Variants in RMDN2 observed in about 807,000 individuals in gnomAD.
The protein encoded by RMDN2 is regulator of microtubule dynamics protein 2.
In RMDN2, 61 loss-of-function variants were observed where a neutral mutation model predicts 52.8. The observed-to-expected ratio is 1.16, with a 90% CI of 0.94 to 1.43. The LOEUF (loss-of-function observed/expected upper bound fraction) is 1.43, where lower values mean the gene tolerates loss of function less well. Ranked by LOEUF, RMDN2 falls within the 40% of genes most tolerant of loss-of-function variation. The pLI is 0.00. For missense variants in RMDN2, 592 were observed against 475.3 expected (o/e 1.25, Z -2.28); for synonymous variants, 180 against 153.1 (o/e 1.18, Z -1.30).
intron 10 of RMDN2, chr2:38,035,761 C>A (rs899224891): frequency 2.6e-5 from 4 of 152,138 alleles, no homozygotes; most frequent in Non-Finnish European, 2.9e-5. Flanking sequence ...GTTTAACCAG[C>A]AAGATGCAGG....
chr2:37,951,177 G>T, intron 2 of RMDN2: 1 of 1,484,338 alleles, frequency 6.7e-7, no homozygotes. Flanking sequence ...AGGCTTGGCA[G>T]GTCTCCACTC....
intron 10 of RMDN2, among the ~76,000 whole-genome samples, chr2:38,041,909 G>A (rs1316380284): frequency 3.3e-5 from 5 of 152,000 alleles, no homozygotes; most frequent in African/African-American, 9.7e-5. Context: ...TTGGTTTGTT[G>A]TTTTTCTTTC....
chr2:38,049,412 C>G (rs182357071), intron 10 of RMDN2, among the ~76,000 whole-genome samples: 101 of 152,286 alleles, frequency 6.6e-4, no homozygotes, highest in Non-Finnish European at 1.2e-3. Flanking sequence ...CCAGACTTCT[C>G]CCAGACCTTC....
At chr2:38,062,500 A>T (rs163080) in intron 10 of RMDN2, among the ~76,000 whole-genome samples, 31,019 of 152,194 alleles carry the variant, frequency 0.2, 3,368 homozygotes, top group African/African-American at 0.26. Flanking sequence ...TGTTTTCAGT[A>T]TGAAGTCATG....
chr2:37,977,606 C>T (rs148368015), intron 4 of RMDN2, among the ~76,000 whole-genome samples: 22,923 of 150,276 alleles, frequency 0.15, 1,805 homozygotes, highest in Non-Finnish European at 0.17. Flanking sequence ...CTTCTCAGAC[C>T]GGGCGGCCGC....
chr2:38,004,837 A>G (rs967589189), intron 10 of RMDN2, among the ~76,000 whole-genome samples: 1 of 151,584 alleles, frequency 6.6e-6, no homozygotes, highest in East Asian at 1.9e-4. Context: ...TCCTAATGCT[A>G]TCCCTCCCCA....
rs139814009 is a variant in RMDN2, at chr2:38,004,164, A to G, written c.1127A>G (p.Asn376Ser). ...TATACTGATCTTGAGGAAAACCAGA[A>G]TGCTTTGAAGTTCTGTAATTTGGCT... Reference protein sequence around the residue: ...KCYTDLEENQNALKFCNLALL... With the variant: ...KCYTDLEENQSALKFCNLALL... The change falls in exon 10 of 11, where the codon AAT (asparagine) becomes AGT (serine). Residue 376 changes from asparagine (N) to serine (S), a missense_variant. Transcript: ENST00000354545. 5.8e-5 allele frequency: 94 copies of G among 1,613,806 alleles called. No homozygotes were observed. The highest frequency in any genetic ancestry group is 1.7e-4 in the Middle Eastern group (1 of 6,056).
intron 10 of RMDN2, among the ~76,000 whole-genome samples, chr2:38,014,243 T>C (rs1678422339): frequency 6.6e-6 from 1 of 152,184 alleles, no homozygotes; most frequent in Admixed American, 6.5e-5. Flanking sequence ...TATTACAGTA[T>C]AGATAGTATA....
At position 37,989,619 on chromosome 2, in the gene RMDN2, ATTTC is replaced by A; in HGVS notation, c.867+7_867+10del. 6.4e-7 allele frequency: 1 copy of A among 1,555,962 alleles called. No homozygotes were observed. The highest frequency in any genetic ancestry group is 2.3e-5 in the East Asian group (1 of 44,104). ...TCAACTATGGGCACCTCTTCAAGGT[ATTTC>A]TTTTTTTTTTTTCATATTTCTTTTC... is the stretch of plus-strand genomic sequence containing the variant. On this transcript the variant is annotated splice_donor_5th_base_variant and intron_variant, in intron 6 of 10. Coordinates refer to ENST00000354545, the MANE Select transcript of RMDN2 (RefSeq NM_001170791.3).
At position 37,929,555 on chromosome 2, in the gene RMDN2, T is replaced by C; in HGVS notation, c.278T>C (p.Ile93Thr). 1 of 1,551,790 alleles carries C rather than the reference T, an allele frequency of 6.4e-7. No individual in the cohort carries two copies. The highest frequency in any genetic ancestry group is 8.7e-7 in the Non-Finnish European group (1 of 1,147,006). ...LTNMEELKEE[I>T]RFLKEAIPKL... Reference sequence around the variant, plus strand: ...AATATGGAAGAACTCAAAGAGGAAATCAGATTTCTTAAAGAAGCTATTCCA... The same window carrying C: ...AATATGGAAGAACTCAAAGAGGAAACCAGATTTCTTAAAGAAGCTATTCCA... Residue 93 changes from isoleucine (I) to threonine (T), a missense_variant, in exon 2 of 11, where the codon ATC (isoleucine) becomes ACC (threonine). Coordinates refer to ENST00000354545, the MANE Select transcript of RMDN2 (RefSeq NM_001170791.3).
downstream of RMDN2, among the ~76,000 whole-genome samples, chr2:38,020,048 G>T (rs1444862849): frequency 3.3e-5 from 5 of 152,160 alleles, no homozygotes; most frequent in African/African-American, 4.8e-5. Flanking sequence ...CTAGAAGGGT[G>T]TGCTATACAG....
At chr2:37,978,306 C>T (rs116321986) in intron 4 of RMDN2, among the ~76,000 whole-genome samples, 19,214 of 109,074 alleles carry the variant, frequency 0.18, 1,524 homozygotes, top group African/African-American at 0.19. Context: ...AGAGGGAGAC[C>T]GTGCAAAGGG....
At chr2:38,057,155 T>G (rs1282403684) in intron 10 of RMDN2, among the ~76,000 whole-genome samples, 1 of 152,164 alleles carries the variant, frequency 6.6e-6, no homozygotes, top group African/African-American at 2.4e-5. Context: ...CTATTACTAG[T>G]TGGTGCTGTG....
exon 11 of RMDN2, chr2:38,067,018 G>T (rs149803320): frequency 4.3e-6 from 7 of 1,612,018 alleles, no homozygotes; most frequent in South Asian, 3.3e-5. Flanking sequence ...CTTTGGTACC[G>T]CAAGCCCTGT....
chr2:37,935,337 A>T (rs1667195800), intron 2 of RMDN2, among the ~76,000 whole-genome samples: 1 of 152,236 alleles, frequency 6.6e-6, no homozygotes. Context: ...CCAAAAATAT[A>T]GACAGTGCTT....
chr2:38,028,585 G>A (rs1341436303), intron 10 of RMDN2, among the ~76,000 whole-genome samples: 1 of 152,066 alleles, frequency 6.6e-6, no homozygotes, highest in Non-Finnish European at 1.5e-5. Flanking sequence ...TCTTCCCAGG[G>A]TGAGCCCTCC....
intron 2 of RMDN2, among the ~76,000 whole-genome samples, chr2:37,951,033 C>G (rs569428739): frequency 3.7e-4 from 56 of 152,164 alleles, no homozygotes; most frequent in African/African-American, 1.3e-3. Context: ...CTCTTAGACT[C>G]CCGCATTCTT....
chr2:37,990,689 C>A (rs1352095148), intron 6 of RMDN2, among the ~76,000 whole-genome samples: 2 of 151,772 alleles, frequency 1.3e-5, no homozygotes, highest in Admixed American at 1.3e-4. Flanking sequence ...GTAAGTAATA[C>A]ACACACACAC....
chr2:37,952,204 C>A (rs751867830), intron 2 of RMDN2: 2 of 1,612,916 alleles, frequency 1.2e-6, no homozygotes, highest in South Asian at 1.1e-5. Context: ...AAAATAAGGT[C>A]ACCTCAGACT....
Sources: gnomAD v4.1 joint callset for allele counts (sites outside exome capture counted in the v4.1 genomes callset) on GRCh38, gnomAD v4.1.1 for gene constraint, MANE v1.5 for transcripts, NCBI Gene and HGNC (gene_info 2026-07-23, HGNC 2026-07-21) for gene names.